Variants in LUZP1 observed in about 807,000 individuals in gnomAD.
The protein encoded by LUZP1 is leucine zipper protein 1.
A neutral mutation model predicts 71.3 loss-of-function variants in LUZP1; 25 were observed. That is an observed-to-expected ratio of 0.35 (90% CI 0.26 to 0.49). The LOEUF is 0.49. Ranked by LOEUF, LUZP1 falls within the 20% of genes least tolerant of loss-of-function variation. LUZP1 has a pLI of 0.99. For synonymous variants in LUZP1, 481 were observed against 506.4 expected, an observed-to-expected ratio of 0.95 and a Z score of 0.67; for missense variants, 1,142 against 1,300.8, an observed-to-expected ratio of 0.88 and a Z score of 1.88.
At chr1:23,110,482 C>A (rs1644018987) in intron 2 of LUZP1, among the ~76,000 whole-genome samples, 1 of 152,162 alleles carries the variant, frequency 6.6e-6, no homozygotes, top group African/African-American at 2.4e-5. Context: ...TCCCTTCTTT[C>A]ATCACAACTG....
intron 2 of LUZP1, among the ~76,000 whole-genome samples, chr1:23,117,470 TCTCTCTCC>T (rs1557653673): frequency 4.4e-3 from 153 of 34,448 alleles, no homozygotes; most frequent in Middle Eastern, 0.01. Flanking sequence ...TCTCTCTCTC[TCTCTCTCC>T]CCCCCCCCCC....
rs748312616 is a variant in LUZP1 at position 23,130,525 on chromosome 1, C to CTTTTTTT, written c.-225-21405_-225-21399dup. 2.6e-5 allele frequency among the ~76,000 whole-genome samples: 3 copies of CTTTTTTT among 117,202 alleles called. No homozygotes were observed. In the Admixed American group the frequency reaches 2.8e-4, roughly 11 times the overall value. The allele number at this position is 117,202 out of a possible 152,430, so 76.9% of individuals were successfully genotyped here. A position where few individuals can be genotyped will look rare whatever the true frequency, so the allele number is the denominator to read the frequency against. On this transcript the variant is annotated intron_variant, in intron 2 of 4. Transcript: ENST00000302291. ...TAGGATCCACCAAGTTAACAGTTAT[C>CTTTTTTT]TTTTTTTTTTTTTTTTTTTTTAGAG...
chr1:23,096,927 C>T (rs532914481), intron 3 of LUZP1, among the ~76,000 whole-genome samples: 1 of 152,116 alleles, frequency 6.6e-6, no homozygotes, highest in African/African-American at 2.4e-5. Context: ...GAGCTGAGAT[C>T]GCGCCACTGC....
chr1:23,135,505 T>A (rs563899711), intron 2 of LUZP1, among the ~76,000 whole-genome samples: 1 of 152,180 alleles, frequency 6.6e-6, no homozygotes, highest in Non-Finnish European at 1.5e-5. Context: ...CATATTCTAT[T>A]GAAGATTCAG....
At chr1:23,163,696 G>A (rs1446926519) in intron 2 of LUZP1, among the ~76,000 whole-genome samples, 1 of 152,084 alleles carries the variant, frequency 6.6e-6, no homozygotes, top group African/African-American at 2.4e-5. Flanking sequence ...GCCTAAAAAG[G>A]TTAGCAATGC....
chr1:23,120,143 A>G (rs1243873040), intron 2 of LUZP1, among the ~76,000 whole-genome samples: 2 of 151,992 alleles, frequency 1.3e-5, no homozygotes, highest in African/African-American at 4.8e-5. Context: ...GGGTTTCACC[A>G]TGTTGCCCAG....
At chr1:23,091,528 A>G (rs1397783243) in exon 4 of LUZP1, 5 of 1,614,172 alleles carry the variant, frequency 3.1e-6, no homozygotes, top group Non-Finnish European at 4.2e-6. Context: ...GCATCTGAGA[A>G]GCCCACTTCT....
chr1:23,132,481 A>T (rs956189405), intron 2 of LUZP1, among the ~76,000 whole-genome samples: 4 of 150,988 alleles, frequency 2.6e-5, no homozygotes, highest in Non-Finnish European at 4.4e-5. Flanking sequence ...TCTCTTATCT[A>T]CTATTGTTCT....
chr1:23,167,042 A>C (rs1005831547), intron 2 of LUZP1, among the ~76,000 whole-genome samples: 1 of 152,164 alleles, frequency 6.6e-6, no homozygotes, highest in Non-Finnish European at 1.5e-5. Flanking sequence ...ATTGAGCAAA[A>C]CCTTAATCTG....
At chr1:23,135,731 G>A (rs138018788) in intron 2 of LUZP1, among the ~76,000 whole-genome samples, 2 of 152,144 alleles carry the variant, frequency 1.3e-5, no homozygotes, top group Non-Finnish European at 2.9e-5. Context: ...GTCTTTAAAG[G>A]AAGAGAATAT....
intron 2 of LUZP1, among the ~76,000 whole-genome samples, chr1:23,159,363 C>A (rs922239921): frequency 6.6e-6 from 1 of 151,996 alleles, no homozygotes; most frequent in African/African-American, 2.4e-5. Flanking sequence ...TTGATTACTG[C>A]TCCCCTCCCA....
At chr1:23,092,766 C>G in exon 4 of LUZP1, 1 of 1,613,996 alleles carries the variant, frequency 6.2e-7, no homozygotes, top group Non-Finnish European at 8.5e-7. Context: ...TCCCTTCAGT[C>G]CGCTCTCGGT....
intron 2 of LUZP1, among the ~76,000 whole-genome samples, chr1:23,117,478 C>CTCTCTCTCTCT (rs35662791): frequency 0.026 from 442 of 17,258 alleles, 1 homozygote; most frequent in African/African-American, 0.033. Context: ...TCTCTCTCTC[C>CTCTCTCTCTCT]CCCCCCCCCC....
At chr1:23,105,517 A>G (rs1032146879) in intron 3 of LUZP1, among the ~76,000 whole-genome samples, 3 of 152,232 alleles carry the variant, frequency 2.0e-5, no homozygotes, top group Non-Finnish European at 4.4e-5. Flanking sequence ...CTATGCTTCA[A>G]TACCTATAAG....
chr1:23,125,207 G>A (rs1006708862), intron 2 of LUZP1, among the ~76,000 whole-genome samples: 7 of 152,108 alleles, frequency 4.6e-5, no homozygotes, highest in South Asian at 4.2e-4. Flanking sequence ...CTTACAACCC[G>A]ACAGTATCAG....
chr1:23,097,426 C>T (rs1643898628), intron 3 of LUZP1, among the ~76,000 whole-genome samples: 1 of 152,128 alleles, frequency 6.6e-6, no homozygotes, highest in African/African-American at 2.4e-5. Flanking sequence ...TGGCCTAGAC[C>T]AGGATGGTGG....
chr1:23,133,407 C>T (rs149828224), intron 2 of LUZP1: 60 of 152,152 alleles, frequency 3.9e-4, no homozygotes, highest in African/African-American at 1.3e-3. Context: ...TCAAAGTCAC[C>T]GTACAGATTT....
At chr1:23,172,038 A>G (rs188958533) in intron 1 of LUZP1, among the ~76,000 whole-genome samples, 70 of 152,316 alleles carry the variant, frequency 4.6e-4, no homozygotes, top group Non-Finnish European at 6.9e-4. Flanking sequence ...TCTCATCTGC[A>G]AAATGGAAAT....
chr1:23,172,618 G>A (rs1423199139), intron 1 of LUZP1, among the ~76,000 whole-genome samples: 1 of 151,334 alleles, frequency 6.6e-6, no homozygotes, highest in Non-Finnish European at 1.5e-5. Flanking sequence ...AGGTTCAAGC[G>A]ATTCTCCTGC....
Sources: gnomAD v4.1 joint callset for allele counts (sites outside exome capture counted in the v4.1 genomes callset) on GRCh38, gnomAD v4.1.1 for gene constraint, MANE v1.5 for transcripts, NCBI Gene and HGNC (gene_info 2026-07-23, HGNC 2026-07-21) for gene names.